The following SNPH variants were observed in gnomAD, a reference collection of about 807,000 sequenced individuals.
The protein encoded by SNPH is syntaphilin.
A neutral mutation model predicts 36.8 loss-of-function variants in SNPH; 10 were observed. That is an observed-to-expected ratio of 0.27 (90% CI 0.17 to 0.46). The LOEUF (loss-of-function observed/expected upper bound fraction) is 0.46, where lower values mean the gene tolerates loss of function less well. Among genes scored for constraint, SNPH ranks in the 20% least tolerant of loss-of-function variants. The pLI is 1.00. For synonymous variants in SNPH, 281 were observed against 312.2 expected (o/e 0.90, Z 1.05); for missense variants, 622 against 744.0 (o/e 0.84, Z 1.91).
intron 5 of SNPH, among the ~76,000 whole-genome samples, chr20:1,299,287 G>A (rs1218049110): frequency 6.6e-6 from 1 of 152,110 alleles, no homozygotes; most frequent in Non-Finnish European, 1.5e-5. Context: ...CCTTTTCCAG[G>A]CTCATAAAGG....
In SNPH at chr20:1,266,944, C is replaced by A. The variant is rs937035360; in HGVS notation, c.-493+184C>A. 2.6e-5 allele frequency among the ~76,000 whole-genome samples: 4 copies of A among 152,192 alleles called. No individual in the cohort carries two copies. The highest frequency in any genetic ancestry group is 1.5e-5 in the Non-Finnish European group (1 of 68,028). On this transcript the variant is annotated intron_variant, in intron 2 of 6. Transcript: ENST00000381867. This position sits in a 1 kb window ranked among gnomAD's most constrained non-coding sequence, Gnocchi z 6.0. Reference sequence around the variant, plus strand: ...CCCTTTAAGCGCTTCCCTCCCTCCCCCTCCCTGAAATGTAAGAATTAGAGG... The same window carrying A: ...CCCTTTAAGCGCTTCCCTCCCTCCCACTCCCTGAAATGTAAGAATTAGAGG...
intron 2 of SNPH, among the ~76,000 whole-genome samples, chr20:1,277,330 G>A (rs2088143680): frequency 6.6e-6 from 1 of 152,152 alleles, no homozygotes; most frequent in Admixed American, 6.5e-5. Context: ...GGGACTAGAG[G>A]CCATGTGGGA....
chr20:1,305,665 G>A lies in SNPH; in HGVS notation c.1228G>A (p.Val410Met), dbSNP rs2088564995. Residue 410 changes from valine to methionine, a missense_variant, in exon 7 of 7, where the codon GTG becomes ATG. Physicochemically the swap from Val to Met is conservative, Grantham distance 21. Around this residue, in one of 3 missense-constraint regions of SNPH, gnomAD observed 379 missense variants for 427.9 expected, o/e 0.89. Coordinates refer to ENST00000381867, the MANE Select transcript of SNPH (RefSeq NM_001318234.2). ...SGPRDPNSAV[V>M]VTVGDELEAP... ...GCCCAGAGACCCCAACTCAGCAGTG[G>A]TGGTGACAGTGGGTGATGAGCTAGA... 1.9e-6 allele frequency: 3 copies of A among 1,612,430 alleles called. No individual in the cohort carries two copies. The highest frequency in any genetic ancestry group is 2.2e-5 in the East Asian group (1 of 44,888).
At chr20:1,290,171 C>T (rs868566441) in intron 2 of SNPH, among the ~76,000 whole-genome samples, 2 of 149,790 alleles carry the variant, frequency 1.3e-5, no homozygotes, top group Admixed American at 6.7e-5. Context: ...GAGATCGTGC[C>T]ACTGCACTCT....
chr20:1,294,477 C>T lies in SNPH; in HGVS notation c.-492-474C>T, dbSNP rs2122382814. Among the ~76,000 whole-genome samples, 1 of 152,336 alleles carries T rather than the reference C, an allele frequency of 6.6e-6. No individual in the cohort carries two copies. The highest frequency in any genetic ancestry group is 2.1e-4 in the South Asian group (1 of 4,832). On this transcript the variant is annotated intron_variant, in intron 2 of 6. Transcript: ENST00000381867. The surrounding 1 kb of genome is among the most constrained non-coding windows in gnomAD (Gnocchi z 4.4). Reference sequence around the variant, plus strand: ...CATGGTTCCTGCTCTAGGGGCCAGCCCTACAGTTCCAGGAGGCCCTGCCTG... The same window carrying T: ...CATGGTTCCTGCTCTAGGGGCCAGCTCTACAGTTCCAGGAGGCCCTGCCTG...
intron 5 of SNPH, among the ~76,000 whole-genome samples, chr20:1,299,886 G>A (rs531414652): frequency 6.6e-6 from 1 of 152,202 alleles, no homozygotes; most frequent in Non-Finnish European, 1.5e-5. Flanking sequence ...TGTACGCAGT[G>A]GGGGTGAGGA....
Position 1,305,796 on chromosome 20 carries a change from G to A in SNPH, c.1359G>A (p.Glu453=), listed in dbSNP as rs1295804507. 9.4e-6 allele frequency: 15 copies of A among 1,597,642 alleles called. No individual in the cohort carries two copies. The highest frequency in any genetic ancestry group is 1.3e-5 in the Non-Finnish European group (15 of 1,172,482). ...TGTGCCCCATGGAAGAGGAGGAGGA[G>A]GCTGCCGTGGCTGAGAAGGAGCCCA... The part of the protein sequence containing the change: ...SVVCPMEEEE[E]AAVAEKEPKS... Residue 453 remains glutamate, a synonymous_variant, in exon 7 of 7, where the codon GAG becomes GAA. Transcript: ENST00000381867.
In SNPH at chr20:1,266,844, A is replaced by G. The variant is rs1162487810; in HGVS notation, c.-493+84A>G. ...GCCGCTTGCAACCGCTCGCTGCGGT[A>G]GAATCCCTTGGAGGGCACCAGCCTA... On this transcript the variant is annotated intron_variant, in intron 2 of 6. Coordinates refer to ENST00000381867, the MANE Select transcript of SNPH (RefSeq NM_001318234.2). This position sits in a 1 kb window ranked among gnomAD's most constrained non-coding sequence, Gnocchi z 6.0. 1.5e-6 allele frequency: 2 copies of G among 1,302,666 alleles called. No individual in the cohort carries two copies. The highest frequency in any genetic ancestry group is 1.9e-6 in the Non-Finnish European group (2 of 1,026,520). 80.7% of individuals were successfully genotyped at this position (1,302,666 alleles called of 1,614,324 possible).
Position 1,300,703 on chromosome 20 carries a change from C to T in SNPH, c.432C>T (p.Leu144=), listed in dbSNP as rs1032149424. 1 of 1,611,110 alleles carries T rather than the reference C, an allele frequency of 6.2e-7. No individual in the cohort carries two copies. Among genetic ancestry groups the T allele is most frequent in the African/African-American group, 1.3e-5 (1 of 74,994 alleles). ...GGCTGAAGGACACACAGGACCGGCT[C>T]CAGGACCGGTGAGCGGGTGGCCACG... ...KARLKDTQDR[L]QDRDTEIDDL... Residue 144 remains leucine (L), a synonymous_variant, in exon 6 of 7, where the codon CTC becomes CTT. Coordinates refer to ENST00000381867, the MANE Select transcript of SNPH (RefSeq NM_001318234.2).
intron 2 of SNPH, among the ~76,000 whole-genome samples, chr20:1,279,846 C>A (rs1159129535): frequency 6.6e-6 from 1 of 152,122 alleles, no homozygotes; most frequent in Non-Finnish European, 1.5e-5. Context: ...GCCTTTTATT[C>A]CTGTGACCCT....
chr20:1,276,334 G>A lies in SNPH; in HGVS notation c.-493+9574G>A, dbSNP rs951800702. Among the ~76,000 whole-genome samples, 4 of 152,162 alleles carry A rather than the reference G, an allele frequency of 2.6e-5. No homozygotes were observed. The highest frequency in any genetic ancestry group is 3.9e-4 in the East Asian group (2 of 5,176). ...AATCCCTGAGGCCAGCCATCCAGAT[G>A]AAAAAGCCCAGGATCCAAGCCTAGG... On this transcript the variant is annotated intron_variant, in intron 2 of 6. Coordinates refer to ENST00000381867, the MANE Select transcript of SNPH (RefSeq NM_001318234.2). This position sits in a 1 kb window ranked among gnomAD's most constrained non-coding sequence, Gnocchi z 4.6.
chr20:1,278,635 C>G (rs1409281608), intron 2 of SNPH, among the ~76,000 whole-genome samples: 1 of 152,126 alleles, frequency 6.6e-6, no homozygotes, highest in Non-Finnish European at 1.5e-5. Flanking sequence ...CTTTTTCACT[C>G]AGCATAATTA....
rs1249792097 is a variant in SNPH at position 1,305,772 on chromosome 20, G to A, written c.1335G>A (p.Val445=). 5 of 1,609,736 alleles carry A rather than the reference G, an allele frequency of 3.1e-6. No homozygotes were observed. In the African/African-American group the frequency reaches 4.0e-5, roughly 13 times the overall value. Residue 445 remains valine, a synonymous_variant, in exon 7 of 7, where the codon GTG becomes GTA. Coordinates refer to ENST00000381867, the MANE Select transcript of SNPH (RefSeq NM_001318234.2). ...NPNPGQSVSV[V]CPMEEEEEAA... is the part of the protein sequence containing the mutation. Reference sequence around the variant, plus strand: ...ACCCTGGCCAGTCGGTGAGCGTGGTGTGCCCCATGGAAGAGGAGGAGGAGG... The same window carrying A: ...ACCCTGGCCAGTCGGTGAGCGTGGTATGCCCCATGGAAGAGGAGGAGGAGG...
intron 2 of SNPH, among the ~76,000 whole-genome samples, chr20:1,274,669 G>T (rs907186556): frequency 6.6e-6 from 1 of 152,196 alleles, no homozygotes; most frequent in Admixed American, 6.5e-5. Context: ...GCTGGCACTC[G>T]GGAAGGGAGC....
chr20:1,266,596 G>A lies in SNPH; in HGVS notation c.-599-58G>A, dbSNP rs927227506. 42 of 1,416,830 alleles carry A rather than the reference G, an allele frequency of 3.0e-5. No individual in the cohort carries two copies. Among genetic ancestry groups the A allele is most frequent in the Non-Finnish European group, 3.7e-5 (40 of 1,092,176 alleles). 87.8% of individuals were successfully genotyped at this position (1,416,830 alleles called of 1,614,324 possible). A position where few individuals can be genotyped will look rare whatever the true frequency, so the allele number is the denominator to read the frequency against. ...TCAGCGGCCGGGGGCTCAGCTGCCT[G>A]GGTGTTCCCCGCCCGCGCTCACCCG... On this transcript the variant is annotated intron_variant, in intron 1 of 6. Transcript: ENST00000381867. The surrounding 1 kb of genome is among the most constrained non-coding windows in gnomAD (Gnocchi z 6.0).
In SNPH at chr20:1,292,621, G is replaced by A. The variant is rs744840; in HGVS notation, c.-492-2330G>A. On this transcript the variant is annotated intron_variant, in intron 2 of 6. Transcript: ENST00000381867. ...CTTTCTAAAATGCAAATATGATTGT[G>A]CCCCTTTCCTATAAAGCACTTGCAT... Among the ~76,000 whole-genome samples the A allele has an allele frequency of 3.6e-3, 544 of 152,206 alleles. 2 individuals carry two copies. The highest frequency in any genetic ancestry group is 0.012 in the African/African-American group (511 of 41,534).
chr20:1,297,329 C>A, intron 5 of SNPH, 77 bp downstream of exon 5: 1 of 1,432,602 alleles, frequency 7.0e-7, no homozygotes, highest in Non-Finnish European at 9.6e-7. Context: ...GGTAAGGGAG[C>A]AGGGTCGTGT....
chr20:1,296,454 C>CGGAGGGCGGGA (rs758003712), intron 4 of SNPH, 33 bp downstream of exon 4: 1 of 1,568,280 alleles, frequency 6.4e-7, no homozygotes, highest in Admixed American at 2.0e-5. Context: ...GCCTAGGCTT[C>CGGAGGGCGGGA]GGAGGGCGGG....
chr20:1,288,295 A>G (rs760283047), intron 2 of SNPH, among the ~76,000 whole-genome samples: 12 of 152,208 alleles, frequency 7.9e-5, no homozygotes, highest in Admixed American at 2.6e-4. Flanking sequence ...CCCTCCATTC[A>G]TTACCTTGGT....
Sources: gnomAD v4.1 joint callset for allele counts (sites outside exome capture counted in the v4.1 genomes callset) on GRCh38, gnomAD v4.1.1 for gene constraint, gnomAD v4.1.1 regional missense constraint, Gnocchi (gnomAD v3.1) non-coding constraint, MANE v1.5 for transcripts, NCBI Gene and HGNC (gene_info 2026-07-23, HGNC 2026-07-21) for gene names.